ZFHX3: variants seen among roughly 807,000 people sequenced by gnomAD.
ZFHX3 encodes zinc finger homeobox 3, also known as zinc finger homeobox protein 3.
Under a neutral mutation model 279.1 loss-of-function variants are expected in ZFHX3, and 42 were observed. The ratio of observed to expected loss-of-function variants is 0.15; its 90% confidence interval spans 0.12 to 0.19. The LOEUF (loss-of-function observed/expected upper bound fraction) is 0.19. Among genes scored for constraint, ZFHX3 ranks in the 10% least tolerant of loss-of-function variants. The pLI is 1.00. For synonymous variants in ZFHX3, 2,293 were observed against 1,957.8 expected (o/e 1.17, Z -4.52); for missense variants, 4,981 against 4,754.0 (o/e 1.05, Z -1.40).
At chr16:72,936,566 A>G (rs950073145) in intron 3 of ZFHX3, among the ~76,000 whole-genome samples, 2 of 152,194 alleles carry the variant, frequency 1.3e-5, no homozygotes, top group Admixed American at 6.5e-5. Flanking sequence ...AGGTACATAC[A>G]CTCAGTAGAA....
chr16:73,029,297 C>G, intron 1 of ZFHX3, among the ~76,000 whole-genome samples: 1 of 152,230 alleles, frequency 6.6e-6, no homozygotes, highest in East Asian at 1.9e-4. Context: ...CACCTGGGTT[C>G]GCCATCACCT....
At chr16:73,784,797 ATATATAT>A (rs373520017) in intron 1 of ZFHX3, among the ~76,000 whole-genome samples, 1,649 of 78,110 alleles carry the variant, frequency 0.021, 43 homozygotes, top group African/African-American at 0.059. Context: ...AAAAAAAAAA[ATATATAT>A]ATATATATAT....
chr16:73,561,349 A>G (rs888517954), intron 2 of ZFHX3, among the ~76,000 whole-genome samples: 4 of 152,222 alleles, frequency 2.6e-5, no homozygotes, highest in African/African-American at 7.2e-5. Flanking sequence ...ATATTGTTTT[A>G]CCACTTTTAC....
intron 1 of ZFHX3, among the ~76,000 whole-genome samples, chr16:73,055,884 C>A (rs1965546648): frequency 2.1e-5 from 3 of 144,776 alleles, no homozygotes; most frequent in Admixed American, 2.1e-4. Flanking sequence ...GCAGAGAACA[C>A]CACTCCTCCA....
intron 5 of ZFHX3, among the ~76,000 whole-genome samples, chr16:73,252,069 A>G (rs1357975556): frequency 6.6e-6 from 1 of 152,202 alleles, no homozygotes; most frequent in Non-Finnish European, 1.5e-5. Context: ...TTAGCCAGTC[A>G]GTAATAACTG....
chr16:73,579,408 T>G (rs530351877), intron 2 of ZFHX3, among the ~76,000 whole-genome samples: 1 of 152,218 alleles, frequency 6.6e-6, no homozygotes, highest in Non-Finnish European at 1.5e-5. Context: ...CTTTCTAAAT[T>G]GATTGAGACC....
chr16:73,617,865 A>C (rs1271930423), intron 2 of ZFHX3, among the ~76,000 whole-genome samples: 1 of 152,078 alleles, frequency 6.6e-6, no homozygotes, highest in Non-Finnish European at 1.5e-5. Context: ...CCCAGATGCT[A>C]TCCTTTCTAT....
intron 1 of ZFHX3, among the ~76,000 whole-genome samples, chr16:73,746,194 C>T (rs2053701825): frequency 6.6e-6 from 1 of 152,142 alleles, no homozygotes; most frequent in African/African-American, 2.4e-5. Flanking sequence ...TGTTGCTCCA[C>T]AGTCTAATAA....
At chr16:73,577,125 A>G (rs2051808241) in intron 2 of ZFHX3, among the ~76,000 whole-genome samples, 1 of 152,224 alleles carries the variant, frequency 6.6e-6, no homozygotes, top group Non-Finnish European at 1.5e-5. Context: ...ACAGGTCTCT[A>G]CCAGCAAAAA....
chr16:73,756,687 G>A (rs1345544015), intron 1 of ZFHX3, among the ~76,000 whole-genome samples: 1 of 151,920 alleles, frequency 6.6e-6, no homozygotes. Flanking sequence ...GAAAGCCCAG[G>A]CTTTCCTAGA....
At chr16:73,771,335 A>C (rs888525770) in intron 1 of ZFHX3, among the ~76,000 whole-genome samples, 7 of 152,122 alleles carry the variant, frequency 4.6e-5, no homozygotes, top group African/African-American at 1.7e-4. Flanking sequence ...TGGCGCCCCA[A>C]CAGCTGGCAC....
intron 2 of ZFHX3, among the ~76,000 whole-genome samples, chr16:73,641,109 G>C (rs1178316537): frequency 6.6e-6 from 1 of 152,126 alleles, no homozygotes; most frequent in Non-Finnish European, 1.5e-5. Flanking sequence ...ACCTAGTTTG[G>C]GGTTGGAATA....
chr16:73,467,727 G>T (rs1311079359), intron 2 of ZFHX3, among the ~76,000 whole-genome samples: 1 of 152,094 alleles, frequency 6.6e-6, no homozygotes, highest in East Asian at 1.9e-4. Context: ...AAAAAGTTAG[G>T]AAACAGATTC....
intron 2 of ZFHX3, among the ~76,000 whole-genome samples, chr16:73,568,398 T>A (rs1327331531): frequency 6.6e-6 from 1 of 152,174 alleles, no homozygotes; most frequent in Non-Finnish European, 1.5e-5. Context: ...AGGGGAAACC[T>A]GCCTTGTCTT....
intron 7 of ZFHX3, among the ~76,000 whole-genome samples, chr16:73,105,464 C>G (rs1378872704): frequency 9.1e-6 from 1 of 109,714 alleles, no homozygotes; most frequent in Non-Finnish European, 2.0e-5. Context: ...TATATTTTTT[C>G]CCCCAGGCCA....
intron 1 of ZFHX3, among the ~76,000 whole-genome samples, chr16:73,007,929 A>C (rs186432440): frequency 8.5e-5 from 13 of 152,184 alleles, no homozygotes; most frequent in Admixed American, 7.8e-4. Flanking sequence ...CACTTTTTCT[A>C]TCATATCAAT....
intron 2 of ZFHX3, among the ~76,000 whole-genome samples, chr16:73,631,217 T>C (rs1031403985): frequency 1.3e-5 from 2 of 152,242 alleles, no homozygotes; most frequent in Non-Finnish European, 2.9e-5. Flanking sequence ...GTAAAGGCTC[T>C]GAAACTAACA....
Position 73,689,632 on chromosome 16 carries a change from G to A in ZFHX3, c.-1607-9392C>T, listed in dbSNP as rs549189344. On this transcript the variant is annotated intron_variant, in intron 1 of 17. Coordinates refer to the ZFHX3 transcript ENST00000641206. Reference sequence around the variant, plus strand: ...TGAAGTCAGAGAGGGAAGGGTTGGTGCAGCATGGCAGGTCCATGAGAAGGC... The same window carrying A: ...TGAAGTCAGAGAGGGAAGGGTTGGTACAGCATGGCAGGTCCATGAGAAGGC... Among the ~76,000 whole-genome samples, 17 of 152,240 alleles carry A rather than the reference G, an allele frequency of 1.1e-4. No homozygotes were observed. In the East Asian group the frequency reaches 2.5e-3, roughly 23 times the overall value.
Position 72,889,714 on chromosome 16 carries a change from C to A in ZFHX3, c.3448+17G>T. The A allele has an allele frequency of 1.2e-6, 2 of 1,609,720 alleles. No individual in the cohort carries two copies. The highest frequency in any genetic ancestry group is 2.2e-5 in the South Asian group (2 of 90,534). ...CCAGGCCCAACCTGGGCCTCCCATGCCTGTGAGACCACTCACCTGGGTCCG... is the reference window on the plus strand; with the variant it reads ...CCAGGCCCAACCTGGGCCTCCCATGACTGTGAGACCACTCACCTGGGTCCG... On this transcript the variant is annotated intron_variant, in intron 4 of 9. Coordinates refer to ENST00000268489, the MANE Select transcript of ZFHX3 (RefSeq NM_006885.4).
Sources: gnomAD v4.1 joint callset for allele counts (sites outside exome capture counted in the v4.1 genomes callset) on GRCh38, gnomAD v4.1.1 for gene constraint, MANE v1.5 for transcripts, NCBI Gene and HGNC (gene_info 2026-07-23, HGNC 2026-07-21) for gene names.